CP: variants seen among roughly 807,000 people sequenced by gnomAD.
CP encodes ceruloplasmin.
A neutral mutation model predicts 122.4 loss-of-function variants in CP; 64 were observed. The observed-to-expected ratio is 0.52, with a 90% CI of 0.43 to 0.64. The LOEUF is 0.64. Ranked by LOEUF, CP falls within the 30% of genes least tolerant of loss-of-function variation. The pLI is 0.00. For synonymous variants in CP, 440 were observed against 436.4 expected, an observed-to-expected ratio of 1.01 and a Z score of -0.10; for missense variants, 1,167 against 1,284.4, an observed-to-expected ratio of 0.91 and a Z score of 1.40.
chr3:149,167,537 G>A (rs767228901), downstream of CP, among the ~76,000 whole-genome samples: 42 of 152,112 alleles, frequency 2.8e-4, no homozygotes, highest in African/African-American at 3.1e-4. Flanking sequence ...TCTGCCATAC[G>A]GTTTTTAGTT....
downstream of CP, among the ~76,000 whole-genome samples, chr3:149,170,838 G>C (rs1340589868): frequency 6.6e-6 from 1 of 152,196 alleles, no homozygotes; most frequent in Non-Finnish European, 1.5e-5. Context: ...GTGGATAGAA[G>C]ATGTAAGACC....
chr3:149,162,602 C>A, exon 6 of CP: 1 of 1,341,460 alleles, frequency 7.5e-7, no homozygotes. Context: ...TTGCGTGGCC[C>A]ATGTGATGCT....
chr3:149,206,145 A>G (rs1268920335), intron 6 of CP, 23 bp downstream of exon 6: 2 of 1,608,536 alleles, frequency 1.2e-6, no homozygotes, highest in South Asian at 1.1e-5. Flanking sequence ...ATTTTGAAAT[A>G]GTACTCTTTT....
rs368155246 is a variant in CP at position 149,182,185 on chromosome 3, T to C, written c.2426-52A>G. ...CCAATCAGAAGGTCTAACTTAGTAA[T>C]AAAAGCAAAGATCAGCAAAGATAAC... On this transcript the variant is annotated intron_variant, in intron 13 of 18. Coordinates refer to ENST00000264613, the MANE Select transcript of CP (RefSeq NM_000096.4). 5.2e-5 allele frequency: 83 copies of C among 1,605,742 alleles called. 1 individual carries two copies. The East Asian group carries it at 7.8e-4, about 15-fold the overall frequency.
At chr3:149,181,975 C>CGGGGGGGGGGGCGGGG in intron 14 of CP, 30 bp downstream of exon 14, 1 of 1,088,426 alleles carries the variant, frequency 9.2e-7, no homozygotes, top group Non-Finnish European at 1.4e-6. Flanking sequence ...TGTTAAAATG[C>CGGGGGGGGGGGCGGGG]ACCACCCCCA....
chr3:149,163,807 A>G (rs1374606305), intron 5 of CP: 1 of 1,133,214 alleles, frequency 8.8e-7, no homozygotes, highest in Admixed American at 1.7e-5. Flanking sequence ...TTTTGTTGTT[A>G]TATTTTGTTT....
chr3:149,166,614 G>A (rs1426113141), intron 4 of CP, among the ~76,000 whole-genome samples: 1 of 152,050 alleles, frequency 6.6e-6, no homozygotes, highest in African/African-American at 2.4e-5. Flanking sequence ...TGTGCCATAT[G>A]TATTTACTCA....
chr3:149,181,933 A>T lies in CP; in HGVS notation c.2554+72T>A, dbSNP rs1725806738. 3 of 1,518,192 alleles carry T rather than the reference A, an allele frequency of 2.0e-6. No individual in the cohort carries two copies. In the African/African-American group the frequency reaches 4.2e-5, roughly 21 times the overall value. The allele number at this position is 1,518,192 out of a possible 1,614,324, so 94.0% of individuals were successfully genotyped here. The stretch of plus-strand genomic sequence containing the variant: ...ACTTTCTTGGTCCAGACTCTCTATG[A>T]TGAGAGTAATCTGTGGAAAGGCTGT... On this transcript the variant is annotated intron_variant, in intron 14 of 18. Coordinates refer to ENST00000264613, the MANE Select transcript of CP (RefSeq NM_000096.4).
At chr3:149,197,277 T>A (rs1346406279) in intron 9 of CP, among the ~76,000 whole-genome samples, 2 of 152,218 alleles carry the variant, frequency 1.3e-5, no homozygotes, top group African/African-American at 2.4e-5. Flanking sequence ...ACTCTTTCTA[T>A]ATACTGTGTA....
At chr3:149,212,373 A>G (rs1728173318) in intron 2 of CP, 78 bp downstream of exon 2, 1 of 1,515,444 alleles carries the variant, frequency 6.6e-7, no homozygotes, top group South Asian at 1.1e-5. Context: ...TCCAGGAGAG[A>G]AGTCCACAAT....
At chr3:149,162,872 G>T in exon 6 of CP, 1 of 1,612,714 alleles carries the variant, frequency 6.2e-7, no homozygotes, top group Admixed American at 1.7e-5. Flanking sequence ...GAACATCGGA[G>T]GATCTGGTAA....
At chr3:149,186,857 C>T (rs1726214690) in intron 10 of CP, 125 bp from the exon 11 acceptor site, 2 of 826,126 alleles carry the variant, frequency 2.4e-6, no homozygotes, top group Non-Finnish European at 4.0e-6. Context: ...CTTGCCCACG[C>T]TTTATGTGTC....
chr3:149,182,226 A>C, intron 13 of CP, 93 bp from the exon 14 acceptor site: 28 of 1,399,960 alleles, frequency 2.0e-5, no homozygotes, highest in East Asian at 4.8e-5. Context: ...TCTCTCCCCC[A>C]TGGGTTTGTG....
intron 17 of CP, 149 bp from the exon 18 acceptor site, chr3:149,176,561 A>G (rs1725434596): frequency 4.5e-6 from 3 of 661,210 alleles, no homozygotes; most frequent in South Asian, 3.8e-5. Context: ...TACAAATGGT[A>G]AAATGTGGTT....
chr3:149,207,666 A>T, intron 4 of CP, 49 bp from the exon 5 acceptor site: 2 of 1,596,906 alleles, frequency 1.3e-6, no homozygotes, highest in Non-Finnish European at 1.7e-6. Context: ...AATGCTTGAG[A>T]TAGTGAGAGT....
intron 1 of CP, among the ~76,000 whole-genome samples, chr3:149,220,046 A>G (rs1728706216): frequency 6.6e-6 from 1 of 152,204 alleles, no homozygotes. Context: ...TATAGTCACA[A>G]TGGGGTAAAC....
chr3:149,199,856 T>A lies in CP; in HGVS notation c.1357A>T (p.Ile453Phe). Residue 453 changes from isoleucine (I) to phenylalanine (F), a missense_variant, in exon 8 of 19, where the codon ATT becomes TTT. By Grantham distance (21) the Ile-to-Phe change is conservative (BLOSUM62 0). Transcript: ENST00000264613. ...EEHLGILGPV[I>F]WAEVGDTIRV... ...ATGGTGTCTCCCACCTCTGCCCAAATGACAGGACCTGGGAACAAAGAGAGA... is the reference window on the plus strand; with the variant it reads ...ATGGTGTCTCCCACCTCTGCCCAAAAGACAGGACCTGGGAACAAAGAGAGA... The A allele has an allele frequency of 6.2e-7, 1 of 1,614,050 alleles. No individual in the cohort carries two copies. The highest frequency in any genetic ancestry group is 8.5e-7 in the Non-Finnish European group (1 of 1,179,922).
chr3:149,171,308 C>T (rs1332892051), downstream of CP, among the ~76,000 whole-genome samples: 1 of 152,082 alleles, frequency 6.6e-6, no homozygotes, highest in African/African-American at 2.4e-5. Context: ...CATTAGAACA[C>T]CATTGCAGTT....
At chr3:149,176,563 A>G in intron 17 of CP, 151 bp from the exon 18 acceptor site, 1 of 658,574 alleles carries the variant, frequency 1.5e-6, no homozygotes, top group East Asian at 2.8e-5. Flanking sequence ...CAAATGGTAA[A>G]ATGTGGTTTT....
Sources: allele counts gnomAD v4.1 joint callset (sites outside exome capture counted in the v4.1 genomes callset), GRCh38; gene constraint gnomAD v4.1.1; transcripts MANE v1.5; gene names NCBI Gene and HGNC (gene_info 2026-07-23, HGNC 2026-07-21).